The following MVB12B variants were observed in gnomAD, a reference collection of about 807,000 sequenced individuals.
MVB12B encodes multivesicular body subunit 12B.
A neutral mutation model predicts 41.6 loss-of-function variants in MVB12B; 16 were observed. The observed-to-expected ratio is 0.38, with a 90% CI of 0.26 to 0.58. MVB12B has a LOEUF of 0.58. Among genes scored for constraint, MVB12B ranks in the 20% least tolerant of loss-of-function variants. MVB12B has a pLI of 0.62. For synonymous variants in MVB12B, 133 were observed against 139.7 expected (o/e 0.95, Z 0.34); for missense variants, 274 against 380.2 (o/e 0.72, Z 2.32).
At chr9:126,343,632 A>T (rs191713227) in intron 2 of MVB12B, among the ~76,000 whole-genome samples, 177 of 152,302 alleles carry the variant, frequency 1.2e-3, no homozygotes, top group Non-Finnish European at 2.3e-3. Flanking sequence ...ATAAATGCTT[A>T]TGGCCAAGCA....
Position 126,466,318 on chromosome 9 carries a change from G to A in MVB12B, c.758-15051G>A, listed in dbSNP as rs545460016. 3.1e-3 allele frequency among the ~76,000 whole-genome samples: 471 copies of A among 152,242 alleles called. 11 individuals carry two copies. Among genetic ancestry groups the A allele is most frequent in the Non-Finnish European group, 3.8e-3 (257 of 68,026 alleles). ...CTTCTCTGAGCCTGTGTACTTGGCC[G>A]ACCCAGCACTCCAAAGCCAGGGAAG... On this transcript the variant is annotated intron_variant, in intron 7 of 9. Transcript: ENST00000361171.
chr9:126,392,341 T>A lies in MVB12B; in HGVS notation c.539+146T>A. ...GTCAGCCCAGTGCTCCTCGCTGCCC[T>A]TCCTGCTCAGCTGCGGTCTCTCTGA... On this transcript the variant is annotated intron_variant, in intron 5 of 9. Coordinates refer to ENST00000361171, the MANE Select transcript of MVB12B (RefSeq NM_033446.3). This position sits in a 1 kb window ranked among gnomAD's most constrained non-coding sequence, Gnocchi z 4.8. The A allele has an allele frequency of 1.1e-6, 1 of 945,012 alleles. No homozygotes were observed. The highest frequency in any genetic ancestry group is 1.6e-6 in the Non-Finnish European group (1 of 629,280). 58.5% of individuals were successfully genotyped at this position (945,012 alleles called of 1,614,324 possible). A position where few individuals can be genotyped will look rare whatever the true frequency, so the allele number is the denominator to read the frequency against.
Position 126,503,062 on chromosome 9 carries a change from A to C in MVB12B, c.874-115A>C, listed in dbSNP as rs905643753. On this transcript the variant is annotated intron_variant, in intron 9 of 9. Coordinates refer to ENST00000361171, the MANE Select transcript of MVB12B (RefSeq NM_033446.3). ...CGGCCTGGCCAGCTGCGCCATGTCA[A>C]GATGCCCCACGAGGCGGCCCAGGCC... The C allele has an allele frequency of 9.8e-6, 9 of 921,820 alleles. No homozygotes were observed. In the African/African-American group the frequency reaches 1.3e-4, roughly 13 times the overall value. The allele number at this position is 921,820 out of a possible 1,614,324, so 57.1% of individuals were successfully genotyped here. A position where few individuals can be genotyped will look rare whatever the true frequency, so the allele number is the denominator to read the frequency against.
At chr9:126,379,136 A>T (rs990494862) in intron 2 of MVB12B, among the ~76,000 whole-genome samples, 1 of 152,170 alleles carries the variant, frequency 6.6e-6, no homozygotes. Context: ...TTCAGAAATT[A>T]TGCATTTATT....
chr9:126,343,118 A>G (rs1044456028), intron 2 of MVB12B, among the ~76,000 whole-genome samples: 1 of 152,184 alleles, frequency 6.6e-6, no homozygotes, highest in Non-Finnish European at 1.5e-5. Flanking sequence ...TAAAAATTTA[A>G]TTCAATAACT....
At chr9:126,365,030 GC>G (rs1224256564) in intron 2 of MVB12B, among the ~76,000 whole-genome samples, 1 of 139,578 alleles carries the variant, frequency 7.2e-6, no homozygotes, top group East Asian at 2.2e-4. Context: ...GGGATTACAG[GC>G]GTGAGCCACC....
At chr9:126,422,003 C>T in intron 7 of MVB12B, 55 bp downstream of exon 7, 1 of 1,238,302 alleles carries the variant, frequency 8.1e-7, no homozygotes, top group Non-Finnish European at 1.2e-6. Flanking sequence ...CGGGCGCCAC[C>T]TCCTTCCACA....
chr9:126,501,000 T>C (rs1422968583), intron 9 of MVB12B, among the ~76,000 whole-genome samples: 1 of 152,200 alleles, frequency 6.6e-6, no homozygotes, highest in Non-Finnish European at 1.5e-5. Context: ...TGAGGGCTGA[T>C]GAAGCCAGCC....
In MVB12B at chr9:126,503,258, TCCTGAGGAGCCAGCGGCCA is replaced by T; in HGVS notation, c.960_*18del. The T allele has an allele frequency of 6.5e-7, 1 of 1,550,084 alleles. No individual in the cohort carries two copies. Among genetic ancestry groups the T allele is most frequent in the Non-Finnish European group, 8.7e-7 (1 of 1,146,754 alleles). On this transcript the variant is annotated stop_lost and 3_prime_UTR_variant, in exon 10 of 10. Coordinates refer to ENST00000361171, the MANE Select transcript of MVB12B (RefSeq NM_033446.3). ...CACCAGGTGTCAGCAGATCCCGCAG[TCCTGAGGAGCCAGCGGCCA>T]CCTGCGGGGAGACCACCGCCGCCCA... is the stretch of plus-strand genomic sequence containing the variant.
intron 7 of MVB12B, among the ~76,000 whole-genome samples, chr9:126,446,938 C>CTTTTTTTTTTTTTTTTTTTTCTTT (rs33991689): frequency 9.6e-6 from 1 of 104,324 alleles, no homozygotes; most frequent in Admixed American, 1.2e-4. Context: ...TTTTAACTTT[C>CTTTTTTTTTTTTTTTTTTTTCTTT]TTTTTTTTTT....
intron 7 of MVB12B, among the ~76,000 whole-genome samples, chr9:126,438,302 G>A (rs930544118): frequency 1.3e-5 from 2 of 152,082 alleles, no homozygotes; most frequent in African/African-American, 4.8e-5. Context: ...TCTATTAACA[G>A]AGGTGTCACT....
Position 126,483,997 on chromosome 9 carries a change from A to G in MVB12B, c.838A>G (p.Ile280Val), listed in dbSNP as rs775582985. ...ESMQPFDLLG[I>V]TIKSLAEIEK... The stretch of plus-strand genomic sequence containing the variant: ...GATGCAGCCCTTTGATCTCCTGGGA[A>G]TCACCATCAAATCTCTAGCAGAAAT... The change falls in exon 9 of 10, where the codon ATC becomes GTC. Residue 280 changes from isoleucine (I) to valine (V), a missense_variant. Physicochemically the swap from Ile to Val is conservative, Grantham distance 29. Coordinates refer to ENST00000361171, the MANE Select transcript of MVB12B (RefSeq NM_033446.3). 1 of 1,613,938 alleles carries G rather than the reference A, an allele frequency of 6.2e-7. No homozygotes were observed. Among genetic ancestry groups the G allele is most frequent in the African/African-American group, 1.3e-5 (1 of 74,912 alleles).
At chr9:126,397,753 G>C (rs1235904055) in intron 6 of MVB12B, 1 of 410,198 alleles carries the variant, frequency 2.4e-6, no homozygotes, top group Admixed American at 6.4e-5. Context: ...CAGTATCTTT[G>C]ATTTATTTTA....
intron 6 of MVB12B, among the ~76,000 whole-genome samples, chr9:126,400,929 C>T (rs926274693): frequency 1.1e-4 from 17 of 152,210 alleles, no homozygotes; most frequent in African/African-American, 4.1e-4. Context: ...GTCTGGCCTC[C>T]AGCTGGCTAG....
intron 2 of MVB12B, among the ~76,000 whole-genome samples, chr9:126,379,590 CA>C (rs1830580795): frequency 6.6e-6 from 1 of 152,230 alleles, no homozygotes. Flanking sequence ...CTTCAGCTTT[CA>C]GGTCAAATAT....
rs1832031753 is a variant in MVB12B at position 126,421,933 on chromosome 9, T to C, written c.742T>C (p.Leu248=). ...GGACTACGAGTACCAGCACTCCAAT[T>C]TGTATGCCATATCAGGTATGTGGAG... The part of the protein sequence containing the change: ...RTDYEYQHSN[L]YAISAMDGVP... Residue 248 remains leucine (L), a synonymous_variant, in exon 7 of 10, where the codon TTG becomes CTG. Transcript: ENST00000361171. The C allele has an allele frequency of 7.4e-6, 12 of 1,613,268 alleles. No homozygotes were observed. The highest frequency in any genetic ancestry group is 2.7e-5 in the African/African-American group (2 of 74,830).
chr9:126,384,624 G>C (rs1298807471), intron 3 of MVB12B, among the ~76,000 whole-genome samples: 1 of 152,038 alleles, frequency 6.6e-6, no homozygotes, highest in Non-Finnish European at 1.5e-5. Flanking sequence ...CACCTCCTGG[G>C]TTCAAGCGAT....
chr9:126,503,062 A>G, intron 9 of MVB12B, 115 bp from the exon 10 acceptor site: 1 of 921,938 alleles, frequency 1.1e-6, no homozygotes, highest in East Asian at 2.6e-5. Flanking sequence ...CGCCATGTCA[A>G]GATGCCCCAC....
chr9:126,334,763 C>T (rs1353116443), intron 1 of MVB12B, among the ~76,000 whole-genome samples: 1 of 152,196 alleles, frequency 6.6e-6, no homozygotes, highest in Non-Finnish European at 1.5e-5. Context: ...GTGGTACCCA[C>T]AGTGTACTGG....
Sources: allele counts gnomAD v4.1 joint callset (sites outside exome capture counted in the v4.1 genomes callset), GRCh38; gene constraint gnomAD v4.1.1; non-coding constraint Gnocchi (gnomAD v3.1); transcripts MANE v1.5; gene names NCBI Gene and HGNC (gene_info 2026-07-23, HGNC 2026-07-21).